WWP1: variants seen among roughly 807,000 people sequenced by gnomAD.
WWP1 encodes WW domain containing E3 ubiquitin protein ligase 1.
Under a neutral mutation model 130.6 loss-of-function variants are expected in WWP1, and 49 were observed. The observed-to-expected ratio is 0.38, with a 90% CI of 0.30 to 0.48. WWP1 has a LOEUF of 0.48. Among genes scored for constraint, WWP1 ranks in the 20% least tolerant of loss-of-function variants. The probability of loss-of-function intolerance (pLI) is 0.99; values close to 1 mark genes in which losing one functional copy is unlikely to be tolerated. For synonymous variants in WWP1, 332 were observed against 367.8 expected (o/e 0.90, Z 1.11); for missense variants, 809 against 1,100.6 (o/e 0.74, Z 3.75).
Position 86,366,691 on chromosome 8 carries a change from G to A in WWP1, c.-114-2248G>A, listed in dbSNP as rs149869321. 1.7e-3 allele frequency among the ~76,000 whole-genome samples: 262 copies of A among 152,252 alleles called. 1 individual carries two copies. Among genetic ancestry groups the A allele is most frequent in the African/African-American group, 5.9e-3 (246 of 41,560 alleles). ...ATACATCAAGAGAGCTGTCTAGGCA[G>A]TTAGAGCCATTACACTGTTCACTAG... is the stretch of plus-strand genomic sequence containing the variant. On this transcript the variant is annotated intron_variant, in intron 1 of 24. Coordinates refer to ENST00000517970, the MANE Select transcript of WWP1 (RefSeq NM_007013.4).
intron 9 of WWP1, among the ~76,000 whole-genome samples, chr8:86,414,843 G>C (rs1486462294): frequency 1.3e-5 from 2 of 150,698 alleles, no homozygotes; most frequent in Non-Finnish European, 3.0e-5. Flanking sequence ...TATTAATATT[G>C]AGTACTTTTC....
chr8:86,468,467 G>A lies in WWP1; in HGVS notation c.*1574G>A. The A allele has an allele frequency of 2.3e-6, 1 of 428,840 alleles. No homozygotes were observed. 26.6% of individuals were successfully genotyped at this position (428,840 alleles called of 1,614,324 possible). ...AATTCTAATGTATGTGACAGGTTAT[G>A]TGATAGAGGGAAACTGGCCTTCAAA... On this transcript the variant is annotated 3_prime_UTR_variant, in exon 25 of 25. Coordinates refer to ENST00000517970, the MANE Select transcript of WWP1 (RefSeq NM_007013.4).
chr8:86,417,729 C>T (rs574633671), intron 9 of WWP1, among the ~76,000 whole-genome samples: 1 of 152,214 alleles, frequency 6.6e-6, no homozygotes, highest in East Asian at 1.9e-4. Context: ...TTTCTGATTA[C>T]AAAATTAAGA....
chr8:86,362,007 CAT>C lies in WWP1; in HGVS notation c.-114-6922_-114-6921del, dbSNP rs200199791. On this transcript the variant is annotated intron_variant, in intron 1 of 24. Coordinates refer to ENST00000517970, the MANE Select transcript of WWP1 (RefSeq NM_007013.4). ...ATATATATATACATATATATACACA[CAT>C]ATATATATACACATATATATACACA... Among the ~76,000 whole-genome samples the C allele has an allele frequency of 4.9e-4, 58 of 118,722 alleles. 1 individual carries two copies. The highest frequency in any genetic ancestry group is 3.4e-3 in the South Asian group (12 of 3,582). The allele number at this position is 118,722 out of a possible 152,430, so 77.9% of individuals were successfully genotyped here.
chr8:86,451,214 TAAAAAAAAAA>T (rs61141803), intron 20 of WWP1, among the ~76,000 whole-genome samples: 10 of 43,676 alleles, frequency 2.3e-4, no homozygotes, highest in African/African-American at 5.9e-4. Flanking sequence ...CCTATGTTAT[TAAAAAAAAAA>T]AAAAAAAAAA....
chr8:86,428,909 A>G (rs763666039), intron 11 of WWP1, among the ~76,000 whole-genome samples: 12 of 152,306 alleles, frequency 7.9e-5, no homozygotes, highest in Admixed American at 1.3e-4. Flanking sequence ...ACAGGGCAGA[A>G]TGAGGTAACA....
At chr8:86,396,922 C>T (rs759057808) in intron 5 of WWP1, among the ~76,000 whole-genome samples, 2 of 152,048 alleles carry the variant, frequency 1.3e-5, no homozygotes, top group Non-Finnish European at 2.9e-5. Context: ...TTTTTAGAGA[C>T]TAGATCTCAC....
At chr8:86,429,582 TTATG>T (rs1809823606) in intron 11 of WWP1, among the ~76,000 whole-genome samples, 1 of 152,212 alleles carries the variant, frequency 6.6e-6, no homozygotes, top group Non-Finnish European at 1.5e-5. Flanking sequence ...AAATGTGTTT[TTATG>T]TATGTATGAA....
At chr8:86,364,630 C>T (rs1030620447) in intron 1 of WWP1, among the ~76,000 whole-genome samples, 4 of 151,864 alleles carry the variant, frequency 2.6e-5, no homozygotes, top group African/African-American at 7.3e-5. Context: ...ACATAGACCC[C>T]ATCTCTACAA....
At chr8:86,447,413 C>T (rs1269010875) in intron 18 of WWP1, among the ~76,000 whole-genome samples, 12 of 152,032 alleles carry the variant, frequency 7.9e-5, no homozygotes, top group African/African-American at 1.7e-4. Flanking sequence ...ACTACAGGCG[C>T]GTGCCACCAT....
intron 9 of WWP1, among the ~76,000 whole-genome samples, chr8:86,424,261 G>C (rs1385893364): frequency 6.6e-6 from 1 of 151,272 alleles, no homozygotes; most frequent in Admixed American, 6.6e-5. Flanking sequence ...GCCAGGCAGA[G>C]ACACTCCTCA....
intron 21 of WWP1, among the ~76,000 whole-genome samples, chr8:86,454,837 G>A (rs1211006783): frequency 6.6e-6 from 1 of 152,056 alleles, no homozygotes; most frequent in Non-Finnish European, 1.5e-5. Context: ...TTACATATAA[G>A]ATGACTGAAG....
Position 86,411,727 on chromosome 8 carries a change from C to G in WWP1, c.914C>G (p.Ser305Cys). The change falls in exon 9 of 25, where the codon TCT (serine) becomes TGT (cysteine). Residue 305 changes from serine to cysteine, a missense_variant. Ser to Cys is a moderately radical substitution (Grantham distance 112, BLOSUM62 -1). Transcript: ENST00000517970. ...CCTTCTACCAGTGCAGAATTGGAAT[C>G]TGAAGCTAGAAGTATATTAGAGCCT... ...CIPSTSAELE[S>C]EARSILEPDT... 1 of 1,614,184 alleles carries G rather than the reference C, an allele frequency of 6.2e-7. No homozygotes were observed. Among genetic ancestry groups the G allele is most frequent in the Non-Finnish European group, 8.5e-7 (1 of 1,180,034 alleles).
chr8:86,393,375 G>C (rs918896872), intron 5 of WWP1, among the ~76,000 whole-genome samples: 9 of 151,932 alleles, frequency 5.9e-5, no homozygotes, highest in Admixed American at 1.3e-4. Context: ...AACTGTGTGA[G>C]TAGCTGGGAC....
chr8:86,446,640 G>T (rs1810897735), intron 18 of WWP1, among the ~76,000 whole-genome samples: 1 of 152,128 alleles, frequency 6.6e-6, no homozygotes, highest in Non-Finnish European at 1.5e-5. Context: ...GTTAATTTTT[G>T]TGTATGATGA....
At chr8:86,438,467 G>A in intron 16 of WWP1, 118 bp from the exon 17 acceptor site, 1 of 721,546 alleles carries the variant, frequency 1.4e-6, no homozygotes, top group Non-Finnish European at 2.1e-6. Flanking sequence ...TGAGTTAAAA[G>A]CATTGTATAA....
At chr8:86,353,891 G>A (rs1029812453) in intron 1 of WWP1, among the ~76,000 whole-genome samples, 3 of 152,142 alleles carry the variant, frequency 2.0e-5, no homozygotes, top group Non-Finnish European at 4.4e-5. Context: ...ATATTGTGTC[G>A]ATGTTTACAA....
At chr8:86,414,620 G>C (rs1808779701) in intron 9 of WWP1, among the ~76,000 whole-genome samples, 1 of 152,098 alleles carries the variant, frequency 6.6e-6, no homozygotes, top group South Asian at 2.1e-4. Context: ...GTAACTTACT[G>C]AGTCATTTAG....
Position 86,467,128 on chromosome 8 carries a change from TGA to T in WWP1, c.*240_*241del, listed in dbSNP as rs1229726608. On this transcript the variant is annotated 3_prime_UTR_variant, in exon 25 of 25. Transcript: ENST00000517970. Reference sequence around the variant, plus strand: ...GATCATCCTTAAATTTTGAAGCAAGTGAGAGACTTTATTAAAAATACATATAT... The same window carrying T: ...GATCATCCTTAAATTTTGAAGCAAGTGAGACTTTATTAAAAATACATATAT... 3 of 374,966 alleles carry T rather than the reference TGA, an allele frequency of 8.0e-6. No homozygotes were observed. The highest frequency in any genetic ancestry group is 1.2e-4 in the East Asian group (2 of 17,362). The allele number at this position is 374,966 out of a possible 1,614,324, so 23.2% of individuals were successfully genotyped here. A position where few individuals can be genotyped will look rare whatever the true frequency, so the allele number is the denominator to read the frequency against.
Sources: allele counts gnomAD v4.1 joint callset (sites outside exome capture counted in the v4.1 genomes callset), GRCh38; gene constraint gnomAD v4.1.1; transcripts MANE v1.5; gene names NCBI Gene and HGNC (gene_info 2026-07-23, HGNC 2026-07-21).